Variants in WDR18 observed in about 807,000 individuals in gnomAD.
WDR18 encodes the protein WD repeat domain 18.
WDR18 carries 33 observed loss-of-function variants against 49.6 expected under a neutral mutation model. That is an observed-to-expected ratio of 0.67 (90% CI 0.50 to 0.89). The LOEUF (loss-of-function observed/expected upper bound fraction) is 0.89, where lower values mean the gene tolerates loss of function less well. Ranked by LOEUF, WDR18 falls within the 40% of genes least tolerant of loss-of-function variation. The probability of loss-of-function intolerance (pLI) is 0.00; values close to 1 mark genes in which losing one functional copy is unlikely to be tolerated. For synonymous variants in WDR18, 315 were observed against 263.6 expected, an observed-to-expected ratio of 1.19 and a Z score of -1.89; for missense variants, 653 against 593.6, an observed-to-expected ratio of 1.10 and a Z score of -1.04.
chr19:990,331 G>A lies in WDR18; in HGVS notation c.564G>A (p.Arg188=). The change falls in exon 4 of 10, where the codon CGG becomes CGA. Residue 188 remains arginine, a synonymous_variant. Coordinates refer to ENST00000585809, the MANE Select transcript of WDR18 (RefSeq NM_024100.4). ...GCGGCTTTGGGGGCCCCCTGGCCCG[G>A]GTGGCCACCTCCTCACTGGACCAGA... is the stretch of plus-strand genomic sequence containing the variant. The part of the protein sequence containing the change: ...LHCGFGGPLA[R]VATSSLDQTV... The A allele has an allele frequency of 6.3e-7, 1 of 1,591,156 alleles. No individual in the cohort carries two copies. The highest frequency in any genetic ancestry group is 8.5e-7 in the Non-Finnish European group (1 of 1,175,600).
intron 2 of WDR18, among the ~76,000 whole-genome samples, chr19:988,317 G>A (rs888785298): frequency 2.0e-5 from 3 of 152,202 alleles, no homozygotes; most frequent in Non-Finnish European, 4.4e-5. Context: ...AGCCAGGGCT[G>A]TGGGGCGGGA....
intron 4 of WDR18, 37 bp from the exon 5 acceptor site, chr19:990,815 T>G: frequency 6.4e-7 from 1 of 1,562,132 alleles, no homozygotes; most frequent in Non-Finnish European, 8.7e-7. Flanking sequence ...GGGTTCCCCC[T>G]GCCGGGCCGA....
At chr19:993,980 C>G in intron 8 of WDR18, 40 bp from the exon 9 acceptor site, 2 of 1,546,124 alleles carry the variant, frequency 1.3e-6, no homozygotes, top group East Asian at 2.4e-5. Context: ...TGGTGTGTGA[C>G]AGGACGCGCC....
chr19:988,608 T>C (rs1023495500), intron 2 of WDR18, among the ~76,000 whole-genome samples: 1 of 152,160 alleles, frequency 6.6e-6, no homozygotes, highest in Non-Finnish European at 1.5e-5. Flanking sequence ...CACAGGGACT[T>C]TCGACAACAG....
upstream of WDR18, chr19:984,181 T>C: frequency 1.4e-6 from 1 of 692,086 alleles, no homozygotes; most frequent in Non-Finnish European, 2.2e-6. Flanking sequence ...GACCCTCGAG[T>C]CTCAGGTAAG....
Position 994,368 on chromosome 19 carries a change from C to G in WDR18, c.*24C>G. ...GAGGCCCGGAGACCCCGGCCCGAGG[C>G]GCCCAGGCCTGAGCCCCATGCCTCC... On this transcript the variant is annotated 3_prime_UTR_variant, in exon 10 of 10. Transcript: ENST00000585809. 1 of 1,592,576 alleles carries G rather than the reference C, an allele frequency of 6.3e-7. No individual in the cohort carries two copies.
intron 2 of WDR18, 73 bp from the exon 3 acceptor site, chr19:989,689 C>G (rs2038518759): frequency 4.4e-6 from 7 of 1,585,260 alleles, no homozygotes; most frequent in Non-Finnish European, 6.0e-6. Context: ...GTGGTGGGTT[C>G]CTGGGGCTGC....
chr19:993,715 T>G (rs2038591204), intron 8 of WDR18, among the ~76,000 whole-genome samples: 1 of 96,708 alleles, frequency 1.0e-5, no homozygotes. Flanking sequence ...TGCGGGTCCT[T>G]CCAGGTCTGG....
chr19:984,724 G>A (rs1345799869), intron 1 of WDR18, among the ~76,000 whole-genome samples, 161 bp downstream of exon 1: 3 of 152,024 alleles, frequency 2.0e-5, no homozygotes, highest in Admixed American at 1.3e-4. Context: ...TGGGGGCTTT[G>A]GGGAGATACG....
rs2038567379 is a variant in WDR18 at position 992,129 on chromosome 19, C to G, written c.1098+8C>G. On this transcript the variant is annotated splice_region_variant and intron_variant, in intron 8 of 9. Transcript: ENST00000585809. The stretch of plus-strand genomic sequence containing the variant: ...CTGGGCCTCCACCAGCAGGTACGGC[C>G]CCCAGCAGGGAACCCCCACTGCCCT... The G allele has an allele frequency of 6.9e-7, 1 of 1,453,766 alleles. No individual in the cohort carries two copies. The allele number at this position is 1,453,766 out of a possible 1,614,324, so 90.1% of individuals were successfully genotyped here.
At chr19:985,540 T>C (rs1049876492) in intron 1 of WDR18, among the ~76,000 whole-genome samples, 1 of 152,130 alleles carries the variant, frequency 6.6e-6, no homozygotes, top group Non-Finnish European at 1.5e-5. Context: ...GATAGAAGGA[T>C]TGGGGCACAA....
chr19:990,698 C>T (rs2038533289), intron 4 of WDR18, 154 bp from the exon 5 acceptor site: 2 of 1,168,486 alleles, frequency 1.7e-6, no homozygotes, highest in Non-Finnish European at 1.2e-6. Context: ...TGTCCCCTGG[C>T]CCCCAAGACC....
At chr19:986,338 G>A (rs574027099) in intron 2 of WDR18, among the ~76,000 whole-genome samples, 1 of 152,186 alleles carries the variant, frequency 6.6e-6, no homozygotes, top group African/African-American at 2.4e-5. Context: ...GCTCATGCCG[G>A]TAGTCAATGC....
intron 2 of WDR18, 32 bp from the exon 3 acceptor site, chr19:989,730 C>A (rs2240147): frequency 0.11 from 184,153 of 1,611,066 alleles, 11,487 homozygotes; most frequent in South Asian, 0.2. Flanking sequence ...GGGCTTTCCT[C>A]CCCTGACCTG....
intron 7 of WDR18, 82 bp from the exon 8 acceptor site, chr19:991,873 G>T (rs71335284): frequency 0.53 from 725,892 of 1,365,194 alleles, 196,385 homozygotes; most frequent in Non-Finnish European, 0.56. Context: ...GGCGGGGACT[G>T]CCCTGGATGG....
At chr19:989,679 G>A in intron 2 of WDR18, 83 bp from the exon 3 acceptor site, 1 of 1,573,508 alleles carries the variant, frequency 6.4e-7, no homozygotes, top group Non-Finnish European at 8.6e-7. Flanking sequence ...TGGCCGTGCA[G>A]TGGTGGGTTC....
intron 7 of WDR18, 144 bp from the exon 8 acceptor site, chr19:991,811 G>A: frequency 1.1e-6 from 1 of 905,906 alleles, no homozygotes; most frequent in Non-Finnish European, 1.5e-6. Flanking sequence ...CTGGTCGTGG[G>A]GCGGGGCCTG....
intron 8 of WDR18, among the ~76,000 whole-genome samples, chr19:992,474 TCTGGGCTGCCGAAGGTGCAGGAG>T (rs1203188284): frequency 6.6e-6 from 1 of 152,232 alleles, no homozygotes; most frequent in Non-Finnish European, 1.5e-5. Context: ...AAGGTTCACG[TCTGGGCTGCCGAAGGTGCAGGAG>T]CAGCCGTGAG....
chr19:986,063 G>A, intron 2 of WDR18, 88 bp downstream of exon 2: 39 of 1,316,250 alleles, frequency 3.0e-5, no homozygotes, highest in Non-Finnish European at 4.1e-5. Flanking sequence ...CAACCATGCG[G>A]CCTGGGGCCC....
Sources: gnomAD v4.1 joint callset for allele counts (sites outside exome capture counted in the v4.1 genomes callset) on GRCh38, gnomAD v4.1.1 for gene constraint, MANE v1.5 for transcripts, NCBI Gene and HGNC (gene_info 2026-07-23, HGNC 2026-07-21) for gene names.